The following UNC80 variants were observed in gnomAD, a reference collection of about 807,000 sequenced individuals.
UNC80 encodes the protein unc-80 subunit of NALCN channel complex.
Under a neutral mutation model 384.6 loss-of-function variants are expected in UNC80, and 164 were observed. That is an observed-to-expected ratio of 0.43 (90% CI 0.38 to 0.49). The LOEUF (loss-of-function observed/expected upper bound fraction) is 0.49. Among genes scored for constraint, UNC80 ranks in the 20% least tolerant of loss-of-function variants. The probability of loss-of-function intolerance (pLI) is 0.00; values close to 1 mark genes in which losing one functional copy is unlikely to be tolerated. For missense variants in UNC80, 3,330 were observed against 4,143.0 expected (o/e 0.80, Z 5.39); for synonymous variants, 1,486 against 1,527.8 (o/e 0.97, Z 0.64).
chr2:209,827,832 C>T (rs1483137455), intron 14 of UNC80, among the ~76,000 whole-genome samples: 2 of 152,102 alleles, frequency 1.3e-5, no homozygotes, highest in Non-Finnish European at 2.9e-5. Context: ...GTTATTCTAA[C>T]GATATTTGTC....
intron 29 of UNC80, among the ~76,000 whole-genome samples, chr2:209,909,185 A>T (rs1021727818): frequency 6.6e-6 from 1 of 152,206 alleles, no homozygotes; most frequent in Non-Finnish European, 1.5e-5. Flanking sequence ...AGTTTCTGGC[A>T]TATGGTTAAC....
chr2:209,821,975 C>T (rs996059683), intron 13 of UNC80, among the ~76,000 whole-genome samples: 1 of 152,158 alleles, frequency 6.6e-6, no homozygotes, highest in Admixed American at 6.5e-5. Flanking sequence ...CATATTTTCA[C>T]ATCTGAGCAA....
intron 33 of UNC80, among the ~76,000 whole-genome samples, chr2:209,921,045 C>T (rs1314716413): frequency 6.6e-6 from 1 of 152,124 alleles, no homozygotes; most frequent in Non-Finnish European, 1.5e-5. Flanking sequence ...TCAGGCTGGT[C>T]TCGAACTCCT....
intron 42 of UNC80, 81 bp downstream of exon 42, chr2:209,937,711 G>C (rs750727831): frequency 4.3e-5 from 46 of 1,058,648 alleles, no homozygotes; most frequent in Non-Finnish European, 5.7e-5. Flanking sequence ...CCAACTTTGA[G>C]ATTTTATGAT....
chr2:209,881,092 G>T lies in UNC80; in HGVS notation c.4108G>T (p.Val1370Leu), dbSNP rs1574866810. The T allele has an allele frequency of 1.9e-6, 3 of 1,551,620 alleles. No individual in the cohort carries two copies. The Admixed American group carries it at 5.9e-5, about 30-fold the overall frequency. ...GCCCAGACCTCGCACTGAGCCTCTG[G>T]TGGTAAGTTAAAGCATGCAAGTTAA... ...CLPRPRTEPL[V>L]DLESCRLRLD... The change falls in exon 25 of 65, where the codon GTG becomes TTG. Residue 1370 changes from valine to leucine, a missense_variant and splice_region_variant. Physicochemically the swap from Val to Leu is conservative, Grantham distance 32 (BLOSUM62 1). Around this residue, in one of 8 missense-constraint regions of UNC80, gnomAD observed 801 missense variants for 950.8 expected, o/e 0.84. Transcript: ENST00000673920.
intron 64 of UNC80, 149 bp downstream of exon 64, chr2:209,994,413 A>G (rs2093448074): frequency 5.8e-6 from 4 of 692,560 alleles, no homozygotes; most frequent in Non-Finnish European, 9.2e-6. Flanking sequence ...ATCATGAAAG[A>G]GAAAAATCTA....
intron 51 of UNC80, chr2:209,960,800 G>C (rs1159334640): frequency 6.6e-6 from 1 of 152,232 alleles, no homozygotes; most frequent in Non-Finnish European, 1.5e-5. Flanking sequence ...CAGTAATGGG[G>C]AAGAGCTTAT....
In UNC80 at chr2:209,973,248, C is replaced by A. The variant is rs1292896858; in HGVS notation, c.8565C>A (p.Ser2855=). The A allele has an allele frequency of 6.4e-7, 1 of 1,551,660 alleles. No individual in the cohort carries two copies. Among genetic ancestry groups the A allele is most frequent in the Non-Finnish European group, 8.7e-7 (1 of 1,146,976 alleles). The change falls in exon 56 of 65, where the codon TCC becomes TCA. Residue 2855 remains serine, a synonymous_variant. Transcript: ENST00000673920. ...TGCGCAGGGAAGGGCTGGCTGAGTCCACCAGCCAAGCAGCATACTTGGGTT... is the reference window on the plus strand; with the variant it reads ...TGCGCAGGGAAGGGCTGGCTGAGTCAACCAGCCAAGCAGCATACTTGGGTT... The part of the protein sequence containing the change: ...KDLRREGLAE[S]TSQAAYLALK...
intron 21 of UNC80, among the ~76,000 whole-genome samples, chr2:209,846,448 T>C (rs1008031972): frequency 6.6e-6 from 1 of 152,110 alleles, no homozygotes; most frequent in Middle Eastern, 3.2e-3. Context: ...ACATCTTGTA[T>C]GTTCTCAGCT....
At chr2:209,939,229 A>G (rs2091459846) in intron 42 of UNC80, among the ~76,000 whole-genome samples, 1 of 152,170 alleles carries the variant, frequency 6.6e-6, no homozygotes, top group South Asian at 2.1e-4. Context: ...TCTCCAGCCT[A>G]AAACTCCATA....
chr2:209,954,021 G>T, intron 47 of UNC80, 79 bp from the exon 48 acceptor site: 1 of 1,437,210 alleles, frequency 7.0e-7, no homozygotes, highest in Non-Finnish European at 9.3e-7. Context: ...GCTTTTCATT[G>T]TTCTATGCTC....
intron 39 of UNC80, 132 bp from the exon 40 acceptor site, chr2:209,935,582 T>C (rs2091191793): frequency 5.2e-6 from 2 of 383,708 alleles, no homozygotes; most frequent in Non-Finnish European, 9.3e-6. Flanking sequence ...AAAATATATA[T>C]GTAACTATGA....
intron 29 of UNC80, among the ~76,000 whole-genome samples, chr2:209,906,458 T>TAAA (rs1375352331): frequency 6.6e-6 from 1 of 152,220 alleles, no homozygotes; most frequent in African/African-American, 2.4e-5. Flanking sequence ...TTTTGATTCT[T>TAAA]AAAAACCATT....
chr2:209,983,338 TA>T (rs74937962), intron 60 of UNC80, among the ~76,000 whole-genome samples: 51,599 of 152,038 alleles, frequency 0.34, 10,143 homozygotes, highest in Middle Eastern at 0.55. Flanking sequence ...GATAAATCAT[TA>T]ATAAACAAGT....
chr2:209,991,993 C>A (rs1462942228), intron 61 of UNC80, among the ~76,000 whole-genome samples, 173 bp from the exon 62 acceptor site: 1 of 152,092 alleles, frequency 6.6e-6, no homozygotes, highest in East Asian at 1.9e-4. Context: ...AAGGCCTTGT[C>A]CTCCCTCCCA....
chr2:209,875,711 G>A (rs943440205), intron 23 of UNC80, among the ~76,000 whole-genome samples: 2 of 151,996 alleles, frequency 1.3e-5, no homozygotes, highest in African/African-American at 4.8e-5. Flanking sequence ...TCAGCACATA[G>A]TGCATTTCCA....
In UNC80 at chr2:209,930,168, C is replaced by CTA. The variant is rs143579809; in HGVS notation, c.5907+211_5907+212dup. On this transcript the variant is annotated intron_variant, in intron 37 of 64. Coordinates refer to ENST00000673920, the MANE Select transcript of UNC80 (RefSeq NM_001371986.1). Reference sequence around the variant, plus strand: ...TTAATTTCTCCATTAATTCATGTTTCTATATATATATATATTACATTGCTA... The same window carrying CTA: ...TTAATTTCTCCATTAATTCATGTTTCTATATATATATATATATTACATTGCTA... Among the ~76,000 whole-genome samples, 862 of 150,002 alleles carry CTA rather than the reference C, an allele frequency of 5.7e-3. 5 individuals are homozygous for CTA. Among genetic ancestry groups the CTA allele is most frequent in the Middle Eastern group, 0.021 (6 of 292 alleles).
At position 209,921,687 on chromosome 2, in the gene UNC80, GT is replaced by G; in HGVS notation, c.5530+2del. ...CCCAACTCAGAACCGGAAGAAGAAG[GT>G]GCCCTCTGCACACAGGACTTCTTGG... On this transcript the variant is annotated splice_donor_variant, in intron 34 of 64. Coordinates refer to ENST00000673920, the MANE Select transcript of UNC80 (RefSeq NM_001371986.1). LOFTEE classifies it high-confidence loss of function. 6.5e-7 allele frequency: 1 copy of G among 1,548,908 alleles called. No homozygotes were observed. The highest frequency in any genetic ancestry group is 8.7e-7 in the Non-Finnish European group (1 of 1,145,872).
chr2:209,807,330 T>C (rs367625839), intron 7 of UNC80, among the ~76,000 whole-genome samples: 3 of 152,026 alleles, frequency 2.0e-5, no homozygotes, highest in Admixed American at 6.6e-5. Flanking sequence ...AAAGAACTTT[T>C]CTATCACATG....
Sources: allele counts gnomAD v4.1 joint callset (sites outside exome capture counted in the v4.1 genomes callset), GRCh38; gene constraint gnomAD v4.1.1; regional missense constraint gnomAD v4.1.1; transcripts MANE v1.5; gene names NCBI Gene and HGNC (gene_info 2026-07-23, HGNC 2026-07-21).